Variants in CCNA1 observed in about 807,000 individuals in gnomAD.
CCNA1 encodes the protein cyclin A1.
Under a neutral mutation model 54.1 loss-of-function variants are expected in CCNA1, and 23 were observed. That is an observed-to-expected ratio of 0.42 (90% CI 0.31 to 0.60). The LOEUF (loss-of-function observed/expected upper bound fraction) is 0.60, where lower values mean the gene tolerates loss of function less well. Among genes scored for constraint, CCNA1 ranks in the 20% least tolerant of loss-of-function variants. CCNA1 has a pLI of 0.14. For missense variants in CCNA1, 450 were observed against 556.7 expected, an observed-to-expected ratio of 0.81 and a Z score of 1.93; for synonymous variants, 208 against 213.9, an observed-to-expected ratio of 0.97 and a Z score of 0.24.
At chr13:36,434,323 G>T (rs1193799149) in intron 2 of CCNA1, among the ~76,000 whole-genome samples, 1 of 152,144 alleles carries the variant, frequency 6.6e-6, no homozygotes, top group African/African-American at 2.4e-5. Context: ...AATCTGAAAG[G>T]TTTAAGCCTC....
intron 2 of CCNA1, 126 bp downstream of exon 2, chr13:36,433,347 C>G (rs1319332112): frequency 4.3e-6 from 2 of 462,988 alleles, no homozygotes; most frequent in Non-Finnish European, 7.3e-6. Flanking sequence ...GGAATCTGGA[C>G]TACAGGAAAG....
chr13:36,440,256 T>C, intron 6 of CCNA1, 73 bp downstream of exon 6: 1 of 1,276,492 alleles, frequency 7.8e-7, no homozygotes, highest in Non-Finnish European at 1.1e-6. Context: ...CCAATCATCC[T>C]TCAGTTCTTT....
chr13:36,432,578 T>C lies in CCNA1; in HGVS notation c.-44T>C. 1 of 1,300,974 alleles carries C rather than the reference T, an allele frequency of 7.7e-7. No individual in the cohort carries two copies. Among genetic ancestry groups the C allele is most frequent in the Non-Finnish European group, 1.1e-6 (1 of 941,404 alleles). 80.6% of individuals were successfully genotyped at this position (1,300,974 alleles called of 1,614,324 possible). A position where few individuals can be genotyped will look rare whatever the true frequency, so the allele number is the denominator to read the frequency against. On this transcript the variant is annotated 5_prime_UTR_variant, in exon 1 of 9. Transcript: ENST00000255465. ...CAGGCAGGTTTTGGGGCCTCCTGTCTGGTGGGAGGAGGCCGCAGCGCAGCA... is the reference window on the plus strand; with the variant it reads ...CAGGCAGGTTTTGGGGCCTCCTGTCCGGTGGGAGGAGGCCGCAGCGCAGCA...
chr13:36,435,247 G>A (rs1333178622), intron 2 of CCNA1, among the ~76,000 whole-genome samples: 4 of 152,198 alleles, frequency 2.6e-5, no homozygotes, highest in Non-Finnish European at 2.9e-5. Context: ...AGAGTTTGTC[G>A]TATCTTGACA....
upstream of CCNA1, chr13:36,432,474 C>A: frequency 1.8e-6 from 1 of 554,804 alleles, no homozygotes; most frequent in Non-Finnish European, 3.2e-6. Flanking sequence ...CTCTTAACCG[C>A]GATCCTCCAG....
chr13:36,436,964 T>G (rs1266372382), intron 2 of CCNA1, among the ~76,000 whole-genome samples: 1 of 152,260 alleles, frequency 6.6e-6, no homozygotes, highest in East Asian at 1.9e-4. Context: ...CAGTGTTTGA[T>G]GCATTATGCT....
At chr13:36,441,019 A>T (rs1010864852) in intron 6 of CCNA1, 99 bp from the exon 7 acceptor site, 5 of 619,262 alleles carry the variant, frequency 8.1e-6, no homozygotes, top group Non-Finnish European at 1.4e-5. Context: ...TGCCGACTGA[A>T]CAAAGATAAG....
chr13:36,431,696 C>A (rs376841838), upstream of CCNA1: 5 of 152,438 alleles, frequency 3.3e-5, no homozygotes, highest in East Asian at 5.8e-4. Context: ...CAAGGACCCC[C>A]GCGATGGAGA....
At chr13:36,438,367 C>T (rs2055833601) in intron 4 of CCNA1, among the ~76,000 whole-genome samples, 176 bp downstream of exon 4, 1 of 152,104 alleles carries the variant, frequency 6.6e-6, no homozygotes, top group Admixed American at 6.6e-5. Context: ...TGGACTATTT[C>T]TACATGATTC....
chr13:36,437,681 C>G lies in CCNA1; in HGVS notation c.350C>G (p.Ala117Gly), dbSNP rs747082248. Residue 117 changes from alanine to glycine, a missense_variant, in exon 3 of 9, where the codon GCT becomes GGT. Around this residue, in one of 6 missense-constraint regions of CCNA1, gnomAD observed 103 missense variants for 92.9 expected, o/e 1.11. Transcript: ENST00000255465. ...GGATCAGAAAATGCCTTCCCTCCAG[C>G]TGGAAAGAAAGCACTCCCTGACTGT... 1.2e-6 allele frequency: 2 copies of G among 1,613,910 alleles called. No individual in the cohort carries two copies. The highest frequency in any genetic ancestry group is 1.7e-6 in the Non-Finnish European group (2 of 1,179,926).
chr13:36,437,718 G>T lies in CCNA1; in HGVS notation c.387G>T (p.Glu129Asp). The change falls in exon 3 of 9, where the codon GAG becomes GAT. Residue 129 changes from glutamate to aspartate, a missense_variant. By Grantham distance (45) the Glu-to-Asp change is conservative. Transcript: ENST00000255465. ...CACTCCCTGACTGTGGGGTCCAAGA[G>T]CCCCCCAAGCAAGGGTTTGACATCT... is the stretch of plus-strand genomic sequence containing the variant. The T allele has an allele frequency of 6.2e-7, 1 of 1,614,104 alleles. No individual in the cohort carries two copies. Among genetic ancestry groups the T allele is most frequent in the Non-Finnish European group, 8.5e-7 (1 of 1,179,984 alleles).
chr13:36,438,787 C>T lies in CCNA1; in HGVS notation c.813C>T (p.Phe271=). 1 of 1,614,088 alleles carries T rather than the reference C, an allele frequency of 6.2e-7. No individual in the cohort carries two copies. The highest frequency in any genetic ancestry group is 8.5e-7 in the Non-Finnish European group (1 of 1,179,972). Residue 271 remains phenylalanine (F), a synonymous_variant, in exon 5 of 9, where the codon TTC becomes TTT. Coordinates refer to ENST00000255465, the MANE Select transcript of CCNA1 (RefSeq NM_003914.4). ...AGACCCTGTATCTGGCTGTCAACTTCCTGGACAGGTTCCTTTCATGTATGT... is the reference window on the plus strand; with the variant it reads ...AGACCCTGTATCTGGCTGTCAACTTTCTGGACAGGTTCCTTTCATGTATGT...
Position 36,437,831 on chromosome 13 carries a change from G to C in CCNA1, c.500G>C (p.Gly167Ala). Residue 167 changes from glycine (G) to alanine (A), a missense_variant, in exon 3 of 9, where the codon GGC becomes GCC. Physicochemically the swap from Gly to Ala is moderately conservative, Grantham distance 60. Around this residue, in one of 6 missense-constraint regions of CCNA1, gnomAD observed 103 missense variants for 92.9 expected, o/e 1.11. Transcript: ENST00000255465. ...GAGGATGTGTATGAAGTAGACACCG[G>C]CACACTCAAGTCAGACCTGCACTTC... 6.2e-7 allele frequency: 1 copy of C among 1,614,138 alleles called. No homozygotes were observed. The highest frequency in any genetic ancestry group is 8.5e-7 in the Non-Finnish European group (1 of 1,179,986).
chr13:36,439,006 C>T, intron 5 of CCNA1, 139 bp downstream of exon 5: 1 of 665,600 alleles, frequency 1.5e-6, no homozygotes, highest in Non-Finnish European at 2.6e-6. Context: ...AGATCATCCT[C>T]TTCACAGGAT....
At chr13:36,439,955 T>C in intron 5 of CCNA1, 24 bp from the exon 6 acceptor site, 1 of 1,550,258 alleles carries the variant, frequency 6.5e-7, no homozygotes, top group Non-Finnish European at 8.9e-7. Flanking sequence ...TAAGTTTTAC[T>C]TCTGAAAACT....
chr13:36,441,802 CT>C (rs921080589), intron 7 of CCNA1, among the ~76,000 whole-genome samples: 3 of 151,728 alleles, frequency 2.0e-5, no homozygotes, highest in African/African-American at 7.3e-5. Context: ...TTTTCTTTTA[CT>C]TTTTTTTAAG....
At chr13:36,437,947 A>G (rs1438702393) in intron 3 of CCNA1, 72 bp downstream of exon 3, 9 of 1,573,586 alleles carry the variant, frequency 5.7e-6, no homozygotes, top group Non-Finnish European at 7.8e-6. Context: ...TTCAATAGCT[A>G]GTAACTAGCA....
At chr13:36,439,050 T>C (rs1190315546) in intron 5 of CCNA1, among the ~76,000 whole-genome samples, 183 bp downstream of exon 5, 2 of 152,246 alleles carry the variant, frequency 1.3e-5, no homozygotes, top group Admixed American at 6.5e-5. Flanking sequence ...ACATGTTTAC[T>C]CTTCAATCAC....
At chr13:36,433,427 TTTC>T (rs1286246146) in intron 2 of CCNA1, among the ~76,000 whole-genome samples, 2,064 of 112,520 alleles carry the variant, frequency 0.018, 81 homozygotes, top group Non-Finnish European at 0.022. Flanking sequence ...TCTTTCTTTC[TTTC>T]TTTCTTTCTT....
Sources: gnomAD v4.1 joint callset for allele counts (sites outside exome capture counted in the v4.1 genomes callset) on GRCh38, gnomAD v4.1.1 for gene constraint, gnomAD v4.1.1 regional missense constraint, MANE v1.5 for transcripts, NCBI Gene and HGNC (gene_info 2026-07-23, HGNC 2026-07-21) for gene names.